Variants in MAPK10 observed in about 807,000 individuals in gnomAD.
MAPK10 encodes the protein JNK3 alpha protein kinase.
MAPK10 carries 25 observed loss-of-function variants against 59.3 expected under a neutral mutation model. The ratio of observed to expected loss-of-function variants is 0.42; its 90% CI spans 0.31 to 0.59. MAPK10 has a LOEUF of 0.59. Ranked by LOEUF, MAPK10 falls within the 20% of genes least tolerant of loss-of-function variation. The pLI is 0.15. For missense variants in MAPK10, 351 were observed against 568.9 expected (o/e 0.62, Z 3.90); for synonymous variants, 190 against 200.5 (o/e 0.95, Z 0.44).
chr4:86,200,258 C>T (rs2082305732), intron 2 of MAPK10, among the ~76,000 whole-genome samples: 1 of 151,936 alleles, frequency 6.6e-6, no homozygotes, highest in Non-Finnish European at 1.5e-5. Flanking sequence ...TTGAAAAATG[C>T]ATATATCCCT....
chr4:86,522,652 C>G (rs546383536), intron 1 of MAPK10, among the ~76,000 whole-genome samples: 18 of 152,274 alleles, frequency 1.2e-4, no homozygotes, highest in African/African-American at 4.3e-4. Context: ...TGTTCCCCAC[C>G]TAAATCCTTC....
rs180989088 is a variant in MAPK10 at position 86,093,361 on chromosome 4, A to T, written c.802+5163T>A. On this transcript the variant is annotated intron_variant, in intron 9 of 13. Transcript: ENST00000641462. ...ATTTTCTCTCAATGAATGACTCAAC[A>T]CACAATAGCAAGAAGATTTAATATA... Among the ~76,000 whole-genome samples the T allele has an allele frequency of 5.6e-3, 852 of 152,076 alleles. 1 individual carries two copies. The highest frequency in any genetic ancestry group is 0.013 in the African/African-American group (554 of 41,556).
chr4:86,273,314 A>T (rs1364394820), intron 2 of MAPK10, among the ~76,000 whole-genome samples: 3 of 152,062 alleles, frequency 2.0e-5, no homozygotes, highest in Non-Finnish European at 4.4e-5. Flanking sequence ...GAAAAGCCAC[A>T]CCTGTTAGCT....
At chr4:86,494,842 C>CAAAAAAAAAAAAAAAAAAAAAAA (rs567947232) in intron 1 of MAPK10, among the ~76,000 whole-genome samples, 1 of 23,968 alleles carries the variant, frequency 4.2e-5, no homozygotes, top group Non-Finnish European at 6.4e-5. Context: ...GACTCCGTCT[C>CAAAAAAAAAAAAAAAAAAAAAAA]AAAAAAAAAA....
chr4:86,337,512 T>C (rs1303099786), intron 2 of MAPK10, among the ~76,000 whole-genome samples: 2 of 152,114 alleles, frequency 1.3e-5, no homozygotes, highest in Admixed American at 1.3e-4. Flanking sequence ...AAAAACAGAA[T>C]GGGGAAATAG....
intron 2 of MAPK10, among the ~76,000 whole-genome samples, chr4:86,312,482 A>G (rs369256494): frequency 3.3e-5 from 5 of 152,224 alleles, no homozygotes; most frequent in Admixed American, 2.0e-4. Flanking sequence ...TCTGGTTGAA[A>G]GGTGAATAGC....
intron 3 of MAPK10, among the ~76,000 whole-genome samples, chr4:86,182,227 T>C (rs537472165): frequency 1.3e-5 from 2 of 152,220 alleles, no homozygotes; most frequent in South Asian, 2.1e-4. Context: ...GAGTAACTTC[T>C]TCAAAAAAGT....
intron 1 of MAPK10, among the ~76,000 whole-genome samples, chr4:86,546,428 G>A (rs971379041): frequency 2.0e-5 from 3 of 151,786 alleles, no homozygotes; most frequent in Non-Finnish European, 4.4e-5. Context: ...ATGGTGGCGT[G>A]AGCCTGTAAT....
rs1056159712 is a variant in MAPK10 at position 86,216,131 on chromosome 4, G to T, written c.-6-21724C>A. On this transcript the variant is annotated intron_variant, in intron 2 of 13. Transcript: ENST00000641462. ...CCCATGCCTGGTTATATGCCCAAAA[G>T]AATTGAAAGCAGGGTCTCAAAAAGA... Among the ~76,000 whole-genome samples the T allele has an allele frequency of 2.6e-5, 4 of 151,736 alleles. No individual in the cohort carries two copies. In the South Asian group the frequency reaches 6.2e-4, roughly 24 times the overall value.
chr4:86,038,302 A>T (rs2040768297), intron 11 of MAPK10, among the ~76,000 whole-genome samples: 1 of 152,210 alleles, frequency 6.6e-6, no homozygotes, highest in African/African-American at 2.4e-5. Context: ...ACTGTATCTC[A>T]GTGTGTGCAC....
chr4:86,423,770 C>CATATATATATATATAT (rs539111577), intron 1 of MAPK10, among the ~76,000 whole-genome samples: 12 of 91,618 alleles, frequency 1.3e-4, no homozygotes, highest in Admixed American at 2.5e-4. Flanking sequence ...GATATATATA[C>CATATATATATATATAT]ATATATATAT....
chr4:86,410,444 T>G (rs1055369627), intron 1 of MAPK10, among the ~76,000 whole-genome samples: 3 of 152,240 alleles, frequency 2.0e-5, no homozygotes, highest in African/African-American at 7.2e-5. Flanking sequence ...ATTCCCTCTT[T>G]TTCTATTGAT....
In MAPK10 at chr4:86,465,554, T is replaced by C. The variant is rs372052586; in HGVS notation, c.-262-110910A>G. Reference sequence around the variant, plus strand: ...CGAAAGGCAAGATGCTATCAGAAGCTGAACAGCATCTACAGAAACCAGCTG... The same window carrying C: ...CGAAAGGCAAGATGCTATCAGAAGCCGAACAGCATCTACAGAAACCAGCTG... On this transcript the variant is annotated intron_variant, in intron 1 of 4. Coordinates refer to the MAPK10 transcript ENST00000502302. Among the ~76,000 whole-genome samples the C allele has an allele frequency of 3.3e-5, 5 of 152,354 alleles. No individual in the cohort carries two copies. In the South Asian group the frequency reaches 8.3e-4, roughly 25 times the overall value.
intron 1 of MAPK10, among the ~76,000 whole-genome samples, chr4:86,402,057 T>A (rs745900062): frequency 6.6e-6 from 1 of 152,062 alleles, no homozygotes; most frequent in Non-Finnish European, 1.5e-5. Flanking sequence ...TGACCTGTGC[T>A]GAAACAAGGA....
At chr4:86,351,591 G>A (rs1457772333) in intron 2 of MAPK10, among the ~76,000 whole-genome samples, 1 of 151,408 alleles carries the variant, frequency 6.6e-6, no homozygotes, top group African/African-American at 2.4e-5. Context: ...TTTTTTAACT[G>A]GATTCCTGCA....
Position 86,084,836 on chromosome 4 carries a change from T to C in MAPK10, c.802+13688A>G, listed in dbSNP as rs961413162. On this transcript the variant is annotated intron_variant, in intron 9 of 13. Coordinates refer to ENST00000641462, the MANE Select transcript of MAPK10 (RefSeq NM_138982.4). ...CAAAATTGGAGGAAATCACATTACC[T>C]GACTTCAAATTATACTACAGAACTA... Among the ~76,000 whole-genome samples the C allele has an allele frequency of 7.2e-5, 11 of 152,252 alleles. No homozygotes were observed. In the East Asian group the frequency reaches 1.5e-3, roughly 21 times the overall value.
At chr4:86,103,075 C>CGTGTG (rs1553989214) in intron 6 of MAPK10, 111 bp downstream of exon 6, 2 of 460,298 alleles carry the variant, frequency 4.3e-6, no homozygotes, top group African/African-American at 4.7e-5. Flanking sequence ...GATTTCAACT[C>CGTGTG]TGTGTGTGTG....
intron 4 of MAPK10, among the ~76,000 whole-genome samples, chr4:86,126,767 C>G (rs932294370): frequency 4.8e-4 from 73 of 152,158 alleles, no homozygotes; most frequent in African/African-American, 1.6e-3. Context: ...AAACTGATTT[C>G]TCTTTAACCT....
chr4:86,060,470 C>A (rs2045530988), intron 11 of MAPK10, among the ~76,000 whole-genome samples: 1 of 152,148 alleles, frequency 6.6e-6, no homozygotes, highest in African/African-American at 2.4e-5. Context: ...AGTTAATCAA[C>A]TCTTCCTTAG....
Sources: allele counts gnomAD v4.1 joint callset (sites outside exome capture counted in the v4.1 genomes callset), GRCh38; gene constraint gnomAD v4.1.1; transcripts MANE v1.5; gene names NCBI Gene and HGNC (gene_info 2026-07-23, HGNC 2026-07-21).